SLX4: variants seen among roughly 807,000 people sequenced by gnomAD.
SLX4 encodes SLX4 structure-specific endonuclease subunit.
Under a neutral mutation model 146.2 loss-of-function variants are expected in SLX4, and 112 were observed. The observed-to-expected ratio is 0.77, with a 90% confidence interval of 0.66 to 0.90. The LOEUF is 0.90. SLX4 is among the 40% of genes least tolerant of loss of function. The pLI, the probability that SLX4 is intolerant of heterozygous loss-of-function variation, is 0.00. For missense variants in SLX4, 2,563 were observed against 2,392.7 expected (o/e 1.07, Z -1.49); for synonymous variants, 1,061 against 997.7 (o/e 1.06, Z -1.20).
intron 11 of SLX4, 60 bp downstream of exon 11, chr16:3,592,639 A>G: frequency 6.4e-7 from 1 of 1,568,124 alleles, no homozygotes; most frequent in Non-Finnish European, 8.7e-7. Flanking sequence ...ACAACCCTCC[A>G]GAGCTGTTAA....
Position 3,586,736 on chromosome 16 carries a change from T to G in SLX4, c.4637-1865A>C, listed in dbSNP as rs191253812. Reference sequence around the variant, plus strand: ...GGGAGGCTGAGGCGGGAGAATCGCTTGGACCCAGGAGGTGGAGGTTGCAGT... The same window carrying G: ...GGGAGGCTGAGGCGGGAGAATCGCTGGGACCCAGGAGGTGGAGGTTGCAGT... On this transcript the variant is annotated intron_variant, in intron 12 of 14. Coordinates refer to ENST00000294008, the MANE Select transcript of SLX4 (RefSeq NM_032444.4). Among the ~76,000 whole-genome samples the G allele has an allele frequency of 3.5e-3, 531 of 151,438 alleles. 3 individuals are homozygous for G. Among genetic ancestry groups the G allele is most frequent in the African/African-American group, 0.012 (503 of 41,166 alleles).
Position 3,583,211 on chromosome 16 carries a change from C to A in SLX4, c.5039G>T (p.Arg1680Met). Residue 1680 changes from arginine to methionine, a missense_variant, in exon 14 of 15, where the codon AGG (arginine) becomes ATG (methionine). By Grantham distance (91) the Arg-to-Met change is moderately conservative (BLOSUM62 -1). Coordinates refer to ENST00000294008, the MANE Select transcript of SLX4 (RefSeq NM_032444.4). ...TGGAGGTGCCTCCTTGGTGGGCGACCTGCTTGGGGGTGTGATGCTTTCATG... is the reference window on the plus strand; with the variant it reads ...TGGAGGTGCCTCCTTGGTGGGCGACATGCTTGGGGGTGTGATGCTTTCATG... ...KHHESITPPS[R>M]SPTKEAPPGL... The A allele has an allele frequency of 1.2e-6, 2 of 1,614,186 alleles. No individual in the cohort carries two copies. Among genetic ancestry groups the A allele is most frequent in the Non-Finnish European group, 1.7e-6 (2 of 1,180,024 alleles).
chr16:3,595,499 C>G, intron 9 of SLX4, 106 bp downstream of exon 9: 3 of 1,282,872 alleles, frequency 2.3e-6, no homozygotes, highest in Non-Finnish European at 3.3e-6. Flanking sequence ...TGAGAGGCCA[C>G]TGCACTTGCG....
In SLX4 at chr16:3,590,476, C is replaced by A; in HGVS notation, c.3162G>T (p.Ser1054=). The change falls in exon 12 of 15, where the codon TCG becomes TCT. Residue 1054 remains serine (S), a synonymous_variant. Coordinates refer to ENST00000294008, the MANE Select transcript of SLX4 (RefSeq NM_032444.4). This position sits in a 1 kb window ranked among gnomAD's most constrained non-coding sequence, Gnocchi z 4.8. ...SPRGSHHTSG[S]SLSTPRSRGG... ...CACGGGACCGGGGTGTTGACAGGGACGACCCACTTGTGTGATGAGACCCGC... is the reference window on the plus strand; with the variant it reads ...CACGGGACCGGGGTGTTGACAGGGAAGACCCACTTGTGTGATGAGACCCGC... The A allele has an allele frequency of 1.2e-6, 2 of 1,614,036 alleles. No individual in the cohort carries two copies. Among genetic ancestry groups the A allele is most frequent in the Middle Eastern group, 1.6e-4 (1 of 6,062 alleles).
chr16:3,598,575 G>C (rs1019891358), intron 5 of SLX4, among the ~76,000 whole-genome samples: 1 of 152,230 alleles, frequency 6.6e-6, no homozygotes, highest in African/African-American at 2.4e-5. Context: ...ATGAACAGGA[G>C]TTTCCGGCTG....
chr16:3,590,588 T>C lies in SLX4; in HGVS notation c.3050A>G (p.Glu1017Gly). 3 of 1,613,540 alleles carry C rather than the reference T, an allele frequency of 1.9e-6. No individual in the cohort carries two copies. Among genetic ancestry groups the C allele is most frequent in the Non-Finnish European group, 8.5e-7 (1 of 1,179,500 alleles). ...CCAGGGAGCCAGGCGATGAGAAACC[T>C]CCAGCCCCCTTTCCCTGACAGCGCC... is the stretch of plus-strand genomic sequence containing the variant. ...QSGAVRERGLEVSHRLAPWQA... is the reference protein window; with the variant it reads ...QSGAVRERGLGVSHRLAPWQA... The change falls in exon 12 of 15, where the codon GAG (glutamate) becomes GGG (glycine). Residue 1017 changes from glutamate to glycine, a missense_variant. Coordinates refer to ENST00000294008, the MANE Select transcript of SLX4 (RefSeq NM_032444.4). The surrounding 1 kb of genome is among the most constrained non-coding windows in gnomAD (Gnocchi z 4.8).
intron 12 of SLX4, among the ~76,000 whole-genome samples, chr16:3,585,603 A>G (rs1017302936): frequency 2.1e-5 from 3 of 139,700 alleles, no homozygotes; most frequent in Non-Finnish European, 4.6e-5. Flanking sequence ...AAAAAAAAAA[A>G]GGGCAAAGGA....
At chr16:3,584,250 G>T (rs961763889) in intron 13 of SLX4, among the ~76,000 whole-genome samples, 5 of 152,072 alleles carry the variant, frequency 3.3e-5, no homozygotes, top group Non-Finnish European at 7.4e-5. Context: ...GTGAAACCCC[G>T]TCTCTACTAA....
rs2151130279 is a variant in SLX4 at position 3,596,385 on chromosome 16, C to T, written c.1692G>A (p.Met564Ile). 1 of 1,594,500 alleles carries T rather than the reference C, an allele frequency of 6.3e-7. No homozygotes were observed. The highest frequency in any genetic ancestry group is 8.6e-7 in the Non-Finnish European group (1 of 1,168,872). ...GCACCAGAGGCGGCACGGGCTCCTG[C>T]ATAAGGCCCTGAAAGAAGCCAGTAA... is the stretch of plus-strand genomic sequence containing the variant. ...LVPQRPAQGL[M>I]QEPVPPLVPP... The change falls in exon 8 of 15, where the codon ATG becomes ATA. Residue 564 changes from methionine (M) to isoleucine (I), a missense_variant. Coordinates refer to ENST00000294008, the MANE Select transcript of SLX4 (RefSeq NM_032444.4).
chr16:3,597,697 T>G lies in SLX4; in HGVS notation c.1367-2A>C. On this transcript the variant is annotated splice_acceptor_variant, in intron 6 of 14. Coordinates refer to ENST00000294008, the MANE Select transcript of SLX4 (RefSeq NM_032444.4). LOFTEE classifies it high-confidence loss of function. This position sits in a 1 kb window ranked among gnomAD's most constrained non-coding sequence, Gnocchi z 4.4. ...GTTTCTTCTTGCGACTTTTATTCTC[T>G]AGAGAGAAACAAAAGCGACACCATC... The G allele has an allele frequency of 6.2e-7, 1 of 1,613,868 alleles. No individual in the cohort carries two copies. Among genetic ancestry groups the G allele is most frequent in the Non-Finnish European group, 8.5e-7 (1 of 1,179,976 alleles).
intron 10 of SLX4, among the ~76,000 whole-genome samples, chr16:3,594,113 C>G (rs777007520): frequency 6.6e-6 from 1 of 152,074 alleles, no homozygotes; most frequent in Non-Finnish European, 1.5e-5. Context: ...GTGATCTGCC[C>G]GCCTCGGCCT....
At position 3,590,637 on chromosome 16, in the gene SLX4, T is replaced by C. The variant is rs769494671; in HGVS notation, c.3001A>G (p.Thr1001Ala). The change falls in exon 12 of 15, where the codon ACA becomes GCA. Residue 1001 changes from threonine to alanine, a missense_variant. Transcript: ENST00000294008. This position sits in a 1 kb window ranked among gnomAD's most constrained non-coding sequence, Gnocchi z 4.8. ...CCACTTTGTTCCTCGGGCTCACTTG[T>C]TATTTGGGACGGCTCTGAGATCTCT... ...QGEISEPSQI[T>A]SEPEEQSGAV... 1.2e-6 allele frequency: 2 copies of C among 1,614,108 alleles called. No individual in the cohort carries two copies. The highest frequency in any genetic ancestry group is 8.5e-7 in the Non-Finnish European group (1 of 1,180,018).
In SLX4 at chr16:3,595,657, C is replaced by T. The variant is rs753540228; in HGVS notation, c.1961G>A (p.Gly654Glu). Residue 654 changes from glycine (G) to glutamate (E), a missense_variant, in exon 9 of 15, where the codon GGG becomes GAG. Physicochemically the swap from Gly to Glu is moderately conservative, Grantham distance 98 (BLOSUM62 -2). Coordinates refer to ENST00000294008, the MANE Select transcript of SLX4 (RefSeq NM_032444.4). ...DVVPGGLPLT[G>E]FVVPSQDKHP... Reference sequence around the variant, plus strand: ...CTTGTCCTGCGATGGCACCACAAACCCAGTCAGAGGAAGGCCGCCGGGCAC... The same window carrying T: ...CTTGTCCTGCGATGGCACCACAAACTCAGTCAGAGGAAGGCCGCCGGGCAC... 5.0e-6 allele frequency: 8 copies of T among 1,614,006 alleles called. No individual in the cohort carries two copies. Among genetic ancestry groups the T allele is most frequent in the Non-Finnish European group, 6.8e-6 (8 of 1,180,044 alleles).
rs2040685095 is a variant in SLX4 at position 3,597,958 on chromosome 16, G to A, written c.1205C>T (p.Thr402Ile). ...HSRGLKRRGP[T>I]SKKEPRKRRK... ...CCTCTTCCGTGGCTCCTTCTTGCTG[G>A]TGGGTCCTCTCCGTTTCAGACCTCT... The change falls in exon 6 of 15, where the codon ACC (threonine) becomes ATC (isoleucine). Residue 402 changes from threonine (T) to isoleucine (I), a missense_variant. Coordinates refer to ENST00000294008, the MANE Select transcript of SLX4 (RefSeq NM_032444.4). The surrounding 1 kb of genome is among the most constrained non-coding windows in gnomAD (Gnocchi z 4.4). The A allele has an allele frequency of 6.2e-7, 1 of 1,614,166 alleles. No individual in the cohort carries two copies. Among genetic ancestry groups the A allele is most frequent in the Non-Finnish European group, 8.5e-7 (1 of 1,180,044 alleles).
rs868176090 is a variant in SLX4, at chr16:3,590,610, C to G, written c.3028G>C (p.Ala1010Pro). ...ACCTCCAGCCCCCTTTCCCTGACAGCGCCACTTTGTTCCTCGGGCTCACTT... is the reference window on the plus strand; with the variant it reads ...ACCTCCAGCCCCCTTTCCCTGACAGGGCCACTTTGTTCCTCGGGCTCACTT... ...ITSEPEEQSG[A>P]VRERGLEVSH... The change falls in exon 12 of 15, where the codon GCT becomes CCT. Residue 1010 changes from alanine (A) to proline (P), a missense_variant. By Grantham distance (27) the Ala-to-Pro change is conservative. Transcript: ENST00000294008. This position sits in a 1 kb window ranked among gnomAD's most constrained non-coding sequence, Gnocchi z 4.8. 1.9e-6 allele frequency: 3 copies of G among 1,613,958 alleles called. No homozygotes were observed. The highest frequency in any genetic ancestry group is 2.5e-6 in the Non-Finnish European group (3 of 1,179,842).
chr16:3,599,332 G>A (rs1012666362), intron 5 of SLX4, among the ~76,000 whole-genome samples: 9 of 152,164 alleles, frequency 5.9e-5, no homozygotes, highest in Non-Finnish European at 1.3e-4. Flanking sequence ...TCCTGACAGC[G>A]GTCTCAAACC....
chr16:3,610,377 T>C (rs541994961), intron 1 of SLX4, among the ~76,000 whole-genome samples: 1 of 152,328 alleles, frequency 6.6e-6, no homozygotes, highest in African/African-American at 2.4e-5. Context: ...TCGCCCACTG[T>C]TTTCACAATG....
At position 3,601,252 on chromosome 16, in the gene SLX4, T is replaced by C; in HGVS notation, c.951-61A>G. 4 of 1,560,988 alleles carry C rather than the reference T, an allele frequency of 2.6e-6. No individual in the cohort carries two copies. In the South Asian group the frequency reaches 4.5e-5, roughly 17 times the overall value. On this transcript the variant is annotated intron_variant, in intron 4 of 14. Coordinates refer to ENST00000294008, the MANE Select transcript of SLX4 (RefSeq NM_032444.4). Reference sequence around the variant, plus strand: ...CCCCAGGAATGTGGATTGGAGCAAATGTGGGTCCAGGTCAACACAGACGTG... The same window carrying C: ...CCCCAGGAATGTGGATTGGAGCAAACGTGGGTCCAGGTCAACACAGACGTG...
At chr16:3,588,190 A>G (rs1418725013) in intron 12 of SLX4, among the ~76,000 whole-genome samples, 2 of 152,176 alleles carry the variant, frequency 1.3e-5, no homozygotes, top group South Asian at 2.1e-4. Flanking sequence ...AAACATTTTC[A>G]CCACCCCAAA....
Sources: allele counts gnomAD v4.1 joint callset (sites outside exome capture counted in the v4.1 genomes callset), GRCh38; gene constraint gnomAD v4.1.1; non-coding constraint Gnocchi (gnomAD v3.1); transcripts MANE v1.5; gene names NCBI Gene and HGNC (gene_info 2026-07-23, HGNC 2026-07-21).